USP25: variants seen among roughly 807,000 people sequenced by gnomAD.
USP25 encodes ubiquitin specific peptidase 25, also known as ubiquitin carboxyl-terminal hydrolase 25.
USP25 carries 85 observed loss-of-function variants against 158.5 expected under a neutral mutation model. That is an observed-to-expected ratio of 0.54 (90% CI 0.45 to 0.64). USP25 has a LOEUF of 0.64. Ranked by LOEUF, USP25 falls within the 30% of genes least tolerant of loss-of-function variation. The pLI is 0.00. For synonymous variants in USP25, 464 were observed against 460.4 expected (o/e 1.01, Z -0.10); for missense variants, 1,242 against 1,327.3 (o/e 0.94, Z 1.00).
chr21:15,777,509 C>A (rs2034725908), intron 3 of USP25, among the ~76,000 whole-genome samples: 1 of 152,082 alleles, frequency 6.6e-6, no homozygotes, highest in South Asian at 2.1e-4. Flanking sequence ...GTAGTATGGA[C>A]AGAATTTAAT....
At position 15,849,873 on chromosome 21, in the gene USP25, G is replaced by A. The variant is rs1201316066; in HGVS notation, c.2547+1G>A. 3 of 1,485,758 alleles carry A rather than the reference G, an allele frequency of 2.0e-6. No individual in the cohort carries two copies. In the African/African-American group the frequency reaches 4.3e-5, roughly 21 times the overall value. The allele number at this position is 1,485,758 out of a possible 1,614,324, so 92.0% of individuals were successfully genotyped here. On this transcript the variant is annotated splice_donor_variant, in intron 20 of 25. Coordinates refer to ENST00000400183, the MANE Select transcript of USP25 (RefSeq NM_001283041.3). LOFTEE classifies it high-confidence loss of function. The stretch of plus-strand genomic sequence containing the variant: ...TGGCCCTGAAGCAGGGTTCTTTAAG[G>A]TACAATGAACATTTTCATTTTCGTG...
In USP25 at chr21:15,805,129, G is replaced by T. The variant is rs756819123; in HGVS notation, c.651G>T (p.Arg217=). 6.9e-6 allele frequency: 11 copies of T among 1,587,242 alleles called. No homozygotes were observed. Among genetic ancestry groups the T allele is most frequent in the Admixed American group, 1.9e-5 (1 of 53,584 alleles). ...QDLPRNQKEH[R]NLPFMRELRY... ...TTTTTTTCCTTCAATAGGAACATCG[G>T]AATTTGCCTTTTATGCGTGAGCTGA... Residue 217 remains arginine (R), a synonymous_variant, in exon 7 of 26, where the codon CGG becomes CGT. Transcript: ENST00000400183.
intron 12 of USP25, 121 bp downstream of exon 12, chr21:15,825,182 G>A: frequency 1.5e-6 from 1 of 667,944 alleles, no homozygotes; most frequent in Non-Finnish European, 2.4e-6. Flanking sequence ...AATATTGTGT[G>A]AATAGTTTTG....
intron 22 of USP25, among the ~76,000 whole-genome samples, chr21:15,866,630 A>G (rs998218829): frequency 2.0e-5 from 3 of 152,154 alleles, no homozygotes; most frequent in African/African-American, 7.2e-5. Flanking sequence ...TTTCTAGCTT[A>G]AAAACAGAAT....
chr21:15,840,092 G>A (rs1265997171), intron 17 of USP25, among the ~76,000 whole-genome samples: 1 of 151,764 alleles, frequency 6.6e-6, no homozygotes, highest in East Asian at 1.9e-4. Context: ...TATATAGCAG[G>A]GATTTTATGA....
At chr21:15,788,239 T>A (rs2035404305) in intron 4 of USP25, among the ~76,000 whole-genome samples, 1 of 151,840 alleles carries the variant, frequency 6.6e-6, no homozygotes, top group Non-Finnish European at 1.5e-5. Context: ...CTTAAGAGCT[T>A]GGGTAGTATC....
At chr21:15,777,311 G>A (rs1214627648) in intron 3 of USP25, among the ~76,000 whole-genome samples, 1 of 152,150 alleles carries the variant, frequency 6.6e-6, no homozygotes, top group African/African-American at 2.4e-5. Flanking sequence ...TAAATAGAAA[G>A]TGAAAGATTC....
At chr21:15,815,611 A>G (rs1457453894) in intron 9 of USP25, among the ~76,000 whole-genome samples, 1 of 152,162 alleles carries the variant, frequency 6.6e-6, no homozygotes, top group Non-Finnish European at 1.5e-5. Flanking sequence ...GAGCCTTAAA[A>G]TTTGACTGCC....
intron 10 of USP25, 151 bp from the exon 11 acceptor site, chr21:15,823,888 G>A (rs2037360149): frequency 1.4e-6 from 1 of 699,698 alleles, no homozygotes; most frequent in Non-Finnish European, 2.2e-6. Context: ...AAGAGGTTGA[G>A]TTTTAACTAA....
chr21:15,739,747 G>C (rs1284145440), intron 1 of USP25, among the ~76,000 whole-genome samples: 2 of 152,250 alleles, frequency 1.3e-5, no homozygotes, highest in East Asian at 3.9e-4. Flanking sequence ...ACTGATTTTT[G>C]TTATGTTTGA....
chr21:15,854,048 G>T (rs977350010), intron 20 of USP25, among the ~76,000 whole-genome samples: 8 of 152,006 alleles, frequency 5.3e-5, no homozygotes, highest in Non-Finnish European at 7.4e-5. Flanking sequence ...TGCTGCTTCT[G>T]TCTTCCTGTT....
At chr21:15,821,082 G>A (rs2037210080) in intron 10 of USP25, among the ~76,000 whole-genome samples, 1 of 151,894 alleles carries the variant, frequency 6.6e-6, no homozygotes, top group Admixed American at 6.6e-5. Context: ...GTCTGTTGGA[G>A]GAAAAAAATT....
intron 20 of USP25, among the ~76,000 whole-genome samples, chr21:15,863,818 T>C (rs2039535456): frequency 6.6e-6 from 1 of 151,646 alleles, no homozygotes; most frequent in Non-Finnish European, 1.5e-5. Flanking sequence ...GGGCGGATTA[T>C]GAGGTCAGGA....
intron 17 of USP25, among the ~76,000 whole-genome samples, chr21:15,835,479 G>A (rs147523478): frequency 1.1e-3 from 173 of 152,072 alleles, no homozygotes; most frequent in African/African-American, 3.6e-3. Context: ...GTGCATAACT[G>A]CATCCATTTT....
chr21:15,755,255 C>T (rs1374476058), intron 1 of USP25, among the ~76,000 whole-genome samples: 1 of 152,012 alleles, frequency 6.6e-6, no homozygotes, highest in Non-Finnish European at 1.5e-5. Context: ...GGATGGAAAC[C>T]TTTGACTTTC....
intron 7 of USP25, among the ~76,000 whole-genome samples, chr21:15,807,387 A>G (rs898028599): frequency 8.5e-5 from 13 of 152,250 alleles, no homozygotes; most frequent in Non-Finnish European, 1.6e-4. Flanking sequence ...AAGTGAATTA[A>G]AGTTATACAA....
At chr21:15,808,684 C>G (rs1044242978) in intron 7 of USP25, 125 bp from the exon 8 acceptor site, 1 of 603,706 alleles carries the variant, frequency 1.7e-6, no homozygotes, top group Non-Finnish European at 2.8e-6. Context: ...AAACATTTCA[C>G]TTGTTATCTT....
At chr21:15,731,521 G>A (rs1276171519) in intron 1 of USP25, among the ~76,000 whole-genome samples, 1 of 152,138 alleles carries the variant, frequency 6.6e-6, no homozygotes, top group Non-Finnish European at 1.5e-5. Flanking sequence ...AAAATGGGCT[G>A]TCTACATACA....
rs886332402 is a variant in USP25, at chr21:15,879,627, A to T, written c.*1152A>T. On this transcript the variant is annotated 3_prime_UTR_variant, in exon 26 of 26. Coordinates refer to ENST00000400183, the MANE Select transcript of USP25 (RefSeq NM_001283041.3). ...CAAAATCCATACTTTAAAGGTAATC[A>T]TGTTACTAACAACCTATTTTTGAAT... The T allele has an allele frequency of 6.6e-6, 1 of 152,556 alleles. No homozygotes were observed. The highest frequency in any genetic ancestry group is 1.5e-5 in the Non-Finnish European group (1 of 67,966). 9.5% of individuals were successfully genotyped at this position (152,556 alleles called of 1,614,324 possible). A position where few individuals can be genotyped will look rare whatever the true frequency, so the allele number is the denominator to read the frequency against.
Sources: allele counts gnomAD v4.1 joint callset (sites outside exome capture counted in the v4.1 genomes callset), GRCh38; gene constraint gnomAD v4.1.1; transcripts MANE v1.5; gene names NCBI Gene and HGNC (gene_info 2026-07-23, HGNC 2026-07-21).